The following TMEM163 variants were observed in gnomAD, a reference collection of about 807,000 sequenced individuals.
TMEM163 encodes transmembrane protein 163.
TMEM163 carries 17 observed loss-of-function variants against 29.3 expected under a neutral mutation model. The observed-to-expected ratio is 0.58, with a 90% confidence interval of 0.40 to 0.87. The LOEUF is 0.87. TMEM163 is among the 40% of genes least tolerant of loss of function. The probability of loss-of-function intolerance (pLI) is 0.00; values close to 1 mark genes in which losing one functional copy is unlikely to be tolerated. For missense variants in TMEM163, 303 were observed against 381.5 expected (o/e 0.79, Z 1.71); for synonymous variants, 157 against 160.6 (o/e 0.98, Z 0.17).
chr2:134,656,365 T>C (rs1683612779), intron 2 of TMEM163, among the ~76,000 whole-genome samples: 1 of 151,848 alleles, frequency 6.6e-6, no homozygotes, highest in Admixed American at 6.6e-5. Context: ...CCCTGACCCC[T>C]CGCGCTTCCC....
intron 2 of TMEM163, among the ~76,000 whole-genome samples, chr2:134,617,935 A>AC (rs1324228028): frequency 3.3e-5 from 5 of 151,998 alleles, no homozygotes; most frequent in African/African-American, 1.2e-4. Context: ...ATATAGTAAG[A>AC]CCCCATCTCT....
At chr2:134,612,931 G>A (rs1307370704) in intron 2 of TMEM163, among the ~76,000 whole-genome samples, 1 of 152,188 alleles carries the variant, frequency 6.6e-6, no homozygotes, top group Non-Finnish European at 1.5e-5. Context: ...TGTCTCAGAG[G>A]AAGCCAGATG....
At chr2:134,467,188 CAT>C (rs1210264939) in intron 5 of TMEM163, 2 of 152,224 alleles carry the variant, frequency 1.3e-5, no homozygotes, top group Non-Finnish European at 2.9e-5. Flanking sequence ...TCTCCGAAAA[CAT>C]GGGTCAATGA....
chr2:134,526,183 T>C (rs905106514), intron 4 of TMEM163, among the ~76,000 whole-genome samples: 1 of 152,202 alleles, frequency 6.6e-6, no homozygotes, highest in Admixed American at 6.5e-5. Flanking sequence ...ACCTTCGCAT[T>C]TCACACTTGC....
At chr2:134,488,345 G>A (rs556998138) in intron 5 of TMEM163, among the ~76,000 whole-genome samples, 2 of 152,226 alleles carry the variant, frequency 1.3e-5, no homozygotes, top group African/African-American at 2.4e-5. Flanking sequence ...TCAGCTGCCA[G>A]TGTGGCTAGA....
intron 4 of TMEM163, among the ~76,000 whole-genome samples, chr2:134,517,959 A>G (rs1226730301): frequency 6.6e-6 from 1 of 152,182 alleles, no homozygotes; most frequent in Non-Finnish European, 1.5e-5. Flanking sequence ...GGAAAAAAAA[A>G]AATGCACCAT....
intron 5 of TMEM163, among the ~76,000 whole-genome samples, chr2:134,496,010 C>T (rs1462003332): frequency 1.3e-5 from 2 of 152,026 alleles, no homozygotes; most frequent in East Asian, 1.9e-4. Context: ...GAATAGAAGT[C>T]GGTTAGATCT....
chr2:134,646,489 A>C (rs1683341040), intron 2 of TMEM163, among the ~76,000 whole-genome samples: 1 of 150,084 alleles, frequency 6.7e-6, no homozygotes, highest in Admixed American at 6.7e-5. Context: ...TCACTCTGTC[A>C]CTCAGACTGC....
intron 2 of TMEM163, among the ~76,000 whole-genome samples, chr2:134,661,920 A>ATTTT (rs1683759735): frequency 1.8e-5 from 2 of 110,076 alleles, no homozygotes; most frequent in African/African-American, 7.7e-5. Flanking sequence ...GGATTCATTA[A>ATTTT]TTTTCTTTCT....
At position 134,662,608 on chromosome 2, in the gene TMEM163, C is replaced by A. The variant is rs532956073; in HGVS notation, c.322+50592G>T. On this transcript the variant is annotated intron_variant, in intron 2 of 7. Coordinates refer to ENST00000281924, the MANE Select transcript of TMEM163 (RefSeq NM_030923.5). ...TTCATTCTGGGATTCGGGAGATGAG[C>A]AATTCTTATTCTCTCCTTTTATCTT... Among the ~76,000 whole-genome samples, 7 of 152,212 alleles carry A rather than the reference C, an allele frequency of 4.6e-5. No individual in the cohort carries two copies. In the South Asian group the frequency reaches 1.4e-3, roughly 32 times the overall value.
chr2:134,594,378 C>G (rs1407932113), intron 2 of TMEM163, among the ~76,000 whole-genome samples: 1 of 152,114 alleles, frequency 6.6e-6, no homozygotes, highest in African/African-American at 2.4e-5. Context: ...CTGTGAGTTT[C>G]CAGTGAGTGT....
At position 134,465,189 on chromosome 2, in the gene TMEM163, T is replaced by TAA. The variant is rs1181405890; in HGVS notation, c.667+923_667+924dup. Among the ~76,000 whole-genome samples the TAA allele has an allele frequency of 9.3e-5, 11 of 117,700 alleles. No homozygotes were observed. The South Asian group carries it at 1.3e-3, about 14-fold the overall frequency. 77.2% of individuals were successfully genotyped at this position (117,700 alleles called of 152,430 possible). A position where few individuals can be genotyped will look rare whatever the true frequency, so the allele number is the denominator to read the frequency against. Reference sequence around the variant, plus strand: ...CAACAACATGGTGAGTCCGCATCTTTAAAAAAAAAAAAAACAAAAACAAAA... The same window carrying TAA: ...CAACAACATGGTGAGTCCGCATCTTTAAAAAAAAAAAAAAAACAAAAACAAAA... On this transcript the variant is annotated intron_variant, in intron 6 of 7. Coordinates refer to ENST00000281924, the MANE Select transcript of TMEM163 (RefSeq NM_030923.5).
At chr2:134,664,212 A>G (rs1683822443) in intron 2 of TMEM163, among the ~76,000 whole-genome samples, 1 of 152,204 alleles carries the variant, frequency 6.6e-6, no homozygotes, top group Non-Finnish European at 1.5e-5. Flanking sequence ...GAGAGATTAT[A>G]ATGTCCATGG....
chr2:134,555,411 A>C (rs1457785935), intron 2 of TMEM163, among the ~76,000 whole-genome samples: 1 of 152,234 alleles, frequency 6.6e-6, no homozygotes, highest in African/African-American at 2.4e-5. Flanking sequence ...AGCTCCATGC[A>C]CATGTGGCTG....
chr2:134,522,972 A>T (rs1009565205), intron 4 of TMEM163, among the ~76,000 whole-genome samples: 1 of 152,228 alleles, frequency 6.6e-6, no homozygotes, highest in East Asian at 1.9e-4. Context: ...GCTTTCTGAC[A>T]GATGGGATAG....
chr2:134,610,633 A>G (rs1375889512), intron 2 of TMEM163, among the ~76,000 whole-genome samples: 2 of 152,206 alleles, frequency 1.3e-5, no homozygotes, highest in African/African-American at 2.4e-5. Context: ...AGGAATGCAC[A>G]CGGGATTCGA....
intron 2 of TMEM163, among the ~76,000 whole-genome samples, chr2:134,574,570 A>C (rs1281276951): frequency 6.6e-6 from 1 of 151,292 alleles, no homozygotes; most frequent in Non-Finnish European, 1.5e-5. Flanking sequence ...CAAAACAAAA[A>C]CAAAACAAAA....
chr2:134,711,699 TA>T (rs1003991370), intron 2 of TMEM163, among the ~76,000 whole-genome samples: 1 of 152,214 alleles, frequency 6.6e-6, no homozygotes, highest in Non-Finnish European at 1.5e-5. Context: ...AATTTCCTCA[TA>T]ATTTTTGTCT....
intron 2 of TMEM163, among the ~76,000 whole-genome samples, chr2:134,591,618 C>T (rs6725383): frequency 0.041 from 6,304 of 152,158 alleles, 442 homozygotes; most frequent in African/African-American, 0.14. Flanking sequence ...CAAATCTGTT[C>T]CTCCCAGTTC....
Sources: allele counts gnomAD v4.1 joint callset (sites outside exome capture counted in the v4.1 genomes callset), GRCh38; gene constraint gnomAD v4.1.1; transcripts MANE v1.5; gene names NCBI Gene and HGNC (gene_info 2026-07-23, HGNC 2026-07-21).